Variants in CEP89 observed in about 807,000 individuals in gnomAD.
CEP89 encodes the protein centrosomal protein 89, also known as centrosomal protein of 89 kDa.
Under a neutral mutation model 97.6 loss-of-function variants are expected in CEP89, and 95 were observed. That is an observed-to-expected ratio of 0.97 (90% CI 0.82 to 1.15). CEP89 has a LOEUF of 1.15. Among genes scored for constraint, CEP89 ranks in the 50% most tolerant of loss-of-function variants. The probability of loss-of-function intolerance (pLI) is 0.00; values close to 1 mark genes in which losing one functional copy is unlikely to be tolerated. For missense variants in CEP89, 869 were observed against 947.7 expected, an observed-to-expected ratio of 0.92 and a Z score of 1.09; for synonymous variants, 354 against 349.1, an observed-to-expected ratio of 1.01 and a Z score of -0.16.
rs990675116 is a variant in CEP89 at position 32,877,231 on chromosome 19, G to C, written c.*1931C>G. ...GCTTATAGAGTCATAAAAGAACTAT[G>C]ATTTTCTATCTCACCCTTCCGTCTG... On this transcript the variant is annotated 3_prime_UTR_variant, in exon 19 of 19. Coordinates refer to ENST00000305768, the MANE Select transcript of CEP89 (RefSeq NM_032816.5). 6.6e-6 allele frequency: 1 copy of C among 152,182 alleles called. No individual in the cohort carries two copies. Among genetic ancestry groups the C allele is most frequent in the Non-Finnish European group, 1.5e-5 (1 of 68,038 alleles). The allele number at this position is 152,182 out of a possible 1,614,324, so 9.4% of individuals were successfully genotyped here. A position where few individuals can be genotyped will look rare whatever the true frequency, so the allele number is the denominator to read the frequency against.
At chr19:32,920,498 A>C (rs1407654935) in intron 12 of CEP89, among the ~76,000 whole-genome samples, 1 of 151,548 alleles carries the variant, frequency 6.6e-6, no homozygotes, top group East Asian at 1.9e-4. Context: ...TTATTTTATT[A>C]TTTGAGACAT....
At position 32,902,008 on chromosome 19, in the gene CEP89, C is replaced by CTGTGTGTGTGTG. The variant is rs1265424963; in HGVS notation, c.1566-597_1566-596insCACACACACACA. On this transcript the variant is annotated intron_variant, in intron 14 of 18. Coordinates refer to ENST00000305768, the MANE Select transcript of CEP89 (RefSeq NM_032816.5). The stretch of plus-strand genomic sequence containing the variant: ...TCTCTGTCTCTCTGTCTCTCTCTCT[C>CTGTGTGTGTGTG]TCTGTGTGTGTGTGTGTGTGTGTGT... 9.1e-3 allele frequency among the ~76,000 whole-genome samples: 904 copies of CTGTGTGTGTGTG among 99,514 alleles called. 8 individuals are homozygous for CTGTGTGTGTGTG. Among genetic ancestry groups the CTGTGTGTGTGTG allele is most frequent in the African/African-American group, 0.04 (846 of 21,160 alleles). 65.3% of individuals were successfully genotyped at this position (99,514 alleles called of 152,430 possible).
chr19:32,918,878 C>CTTTTCTTTTTTTTTTTTTTTTTTTT (rs1568559832), intron 12 of CEP89, among the ~76,000 whole-genome samples: 1 of 110,844 alleles, frequency 9.0e-6, no homozygotes. Flanking sequence ...TTTTCTTTTT[C>CTTTTCTTTTTTTTTTTTTTTTTTTT]TTTTTCTTTT....
At chr19:32,930,148 C>T (rs1440818947) in intron 9 of CEP89, among the ~76,000 whole-genome samples, 1 of 151,786 alleles carries the variant, frequency 6.6e-6, no homozygotes, top group Non-Finnish European at 1.5e-5. Flanking sequence ...GCCTCAGCCT[C>T]CCAGGTAGCT....
intron 2 of CEP89, among the ~76,000 whole-genome samples, chr19:32,964,629 C>T (rs911902433): frequency 1.2e-4 from 19 of 152,142 alleles, no homozygotes; most frequent in Non-Finnish European, 1.6e-4. Flanking sequence ...TTTCGGAACA[C>T]GCGTTAATCA....
At chr19:32,883,850 G>A (rs981154884) in intron 17 of CEP89, among the ~76,000 whole-genome samples, 2 of 152,082 alleles carry the variant, frequency 1.3e-5, no homozygotes, top group Non-Finnish European at 2.9e-5. Context: ...ATCTTGATCA[G>A]TCTTGGATTA....
intron 15 of CEP89, among the ~76,000 whole-genome samples, chr19:32,901,019 G>A (rs747706449): frequency 3.3e-4 from 50 of 151,798 alleles, no homozygotes; most frequent in Non-Finnish European, 5.6e-4. Context: ...CCGAGTAGCT[G>A]GGACTACAGG....
At chr19:32,883,177 T>G (rs1211976830) in intron 17 of CEP89, among the ~76,000 whole-genome samples, 2 of 151,778 alleles carry the variant, frequency 1.3e-5, no homozygotes, top group Non-Finnish European at 1.5e-5. Flanking sequence ...TTTCTAAAAT[T>G]ATTGTCACAG....
intron 7 of CEP89, among the ~76,000 whole-genome samples, chr19:32,934,479 G>C (rs980416924): frequency 2.0e-5 from 3 of 152,198 alleles, no homozygotes; most frequent in Non-Finnish European, 4.4e-5. Context: ...GCTCCCATGG[G>C]CCCTGGCCAG....
chr19:32,948,189 T>C, intron 5 of CEP89, 77 bp downstream of exon 5: 1 of 778,892 alleles, frequency 1.3e-6, no homozygotes, highest in Non-Finnish European at 2.1e-6. Context: ...AATGGGTATG[T>C]TTTCCTAAAA....
chr19:32,929,577 T>C lies in CEP89; in HGVS notation c.1029+1852A>G, dbSNP rs559250088. On this transcript the variant is annotated intron_variant, in intron 9 of 18. Coordinates refer to ENST00000305768, the MANE Select transcript of CEP89 (RefSeq NM_032816.5). ...AGATTGTGCATGCTGCACTCCAGCC[T>C]GGGCGACATAGAGAGACTGTGTCTA... 6.8e-4 allele frequency among the ~76,000 whole-genome samples: 103 copies of C among 150,672 alleles called. 1 individual carries two copies. The highest frequency in any genetic ancestry group is 5.9e-3 in the East Asian group (30 of 5,104).
At chr19:32,910,845 C>T (rs1229310824) in intron 14 of CEP89, among the ~76,000 whole-genome samples, 2 of 152,218 alleles carry the variant, frequency 1.3e-5, no homozygotes, top group African/African-American at 2.4e-5. Flanking sequence ...CCTGTGATAA[C>T]AATGCCTGCT....
intron 9 of CEP89, among the ~76,000 whole-genome samples, chr19:32,930,980 T>C (rs1368755073): frequency 3.3e-5 from 5 of 152,046 alleles, no homozygotes; most frequent in Non-Finnish European, 7.4e-5. Flanking sequence ...TGACCTCCCA[T>C]GCTCAAGAGA....
intron 14 of CEP89, among the ~76,000 whole-genome samples, chr19:32,906,096 T>C (rs1330255590): frequency 2.6e-5 from 4 of 152,246 alleles, no homozygotes; most frequent in Non-Finnish European, 4.4e-5. Context: ...TCTATCCTTA[T>C]GCTTGGGACA....
chr19:32,939,867 A>G lies in CEP89; in HGVS notation c.614T>C (p.Leu205Pro). ...AAAAAATGATCTTACCTTTAAATTC[A>G]GAACAGGGTGTTTACCATCTGATGA... ...TQQKDGKHPV[L>P]NLKDEKPPLC... Residue 205 changes from leucine to proline, a missense_variant, in exon 6 of 19, where the codon CTG becomes CCG. Physicochemically the swap from Leu to Pro is moderately conservative, Grantham distance 98. Coordinates refer to ENST00000305768, the MANE Select transcript of CEP89 (RefSeq NM_032816.5). 2 of 1,262,890 alleles carry G rather than the reference A, an allele frequency of 1.6e-6. No individual in the cohort carries two copies. The highest frequency in any genetic ancestry group is 2.0e-5 in the Admixed American group (1 of 48,986). 78.2% of individuals were successfully genotyped at this position (1,262,890 alleles called of 1,614,324 possible). A position where few individuals can be genotyped will look rare whatever the true frequency, so the allele number is the denominator to read the frequency against.
At chr19:32,923,345 A>C in intron 12 of CEP89, 94 bp downstream of exon 12, 1 of 607,952 alleles carries the variant, frequency 1.6e-6, no homozygotes. Flanking sequence ...ATTTTAGTTA[A>C]GAATGTAATT....
rs1282456655 is a variant in CEP89, at chr19:32,936,011, G to A, written c.667+1620C>T. Among the ~76,000 whole-genome samples, 1 of 152,172 alleles carries A rather than the reference G, an allele frequency of 6.6e-6. No homozygotes were observed. Among genetic ancestry groups the A allele is most frequent in the Non-Finnish European group, 1.5e-5 (1 of 68,010 alleles). On this transcript the variant is annotated intron_variant, in intron 7 of 18. Transcript: ENST00000305768. The surrounding 1 kb of genome is among the most constrained non-coding windows in gnomAD (Gnocchi z 4.5). ...GCCCTGCCCCTTCTGAGTTGGTGGG[G>A]CAGGAGCTCATGGGGTGCTGCTACA...
intron 12 of CEP89, among the ~76,000 whole-genome samples, chr19:32,921,914 T>C (rs770274514): frequency 2.0e-5 from 3 of 152,210 alleles, no homozygotes; most frequent in Non-Finnish European, 4.4e-5. Context: ...ACATCACATA[T>C]AGAAAATACT....
At chr19:32,919,713 G>A (rs1245861737) in intron 12 of CEP89, among the ~76,000 whole-genome samples, 1 of 152,206 alleles carries the variant, frequency 6.6e-6, no homozygotes, top group Admixed American at 6.5e-5. Flanking sequence ...TGCCCAGGCT[G>A]GAGTGCAGTG....
Sources: gnomAD v4.1 joint callset for allele counts (sites outside exome capture counted in the v4.1 genomes callset) on GRCh38, gnomAD v4.1.1 for gene constraint, Gnocchi (gnomAD v3.1) non-coding constraint, MANE v1.5 for transcripts, NCBI Gene and HGNC (gene_info 2026-07-23, HGNC 2026-07-21) for gene names.